VAV2: variants seen among roughly 807,000 people sequenced by gnomAD.
VAV2 encodes the protein guanine nucleotide exchange factor VAV2.
In VAV2, 67 loss-of-function variants were observed where a neutral mutation model predicts 132.5. That is an observed-to-expected ratio of 0.51 (90% CI 0.42 to 0.62). VAV2 has a LOEUF of 0.62. VAV2 is among the 20% of genes least tolerant of loss of function. The probability of loss-of-function intolerance (pLI) is 0.00; values close to 1 mark genes in which losing one functional copy is unlikely to be tolerated. For missense variants in VAV2, 938 were observed against 1,153.6 expected (o/e 0.81, Z 2.71); for synonymous variants, 492 against 443.5 (o/e 1.11, Z -1.37).
intron 4 of VAV2, among the ~76,000 whole-genome samples, chr9:133,812,743 C>T (rs1313299348): frequency 6.6e-6 from 1 of 152,236 alleles, no homozygotes; most frequent in South Asian, 2.1e-4. Context: ...TTGTCATTTG[C>T]CTTCTGAAAC....
Position 133,768,683 on chromosome 9 carries a change from C to A in VAV2, c.2435-87G>T. On this transcript the variant is annotated intron_variant, in intron 28 of 29. Transcript: ENST00000371850. The surrounding 1 kb of genome is among the most constrained non-coding windows in gnomAD (Gnocchi z 5.3). ...GGCCCTTGGGCCAAGCTGGGTCTCT[C>A]CCCTGGTGCCCAGAACCCTGCTCTG... The A allele has an allele frequency of 6.7e-7, 1 of 1,491,780 alleles. No individual in the cohort carries two copies. The allele number at this position is 1,491,780 out of a possible 1,614,324, so 92.4% of individuals were successfully genotyped here.
chr9:133,893,155 C>T (rs1839048657), intron 2 of VAV2, among the ~76,000 whole-genome samples: 1 of 152,188 alleles, frequency 6.6e-6, no homozygotes, highest in Admixed American at 6.5e-5. Flanking sequence ...GTCCCACCTC[C>T]CGCGAAGACT....
At chr9:133,915,187 G>A (rs1284702713) in intron 2 of VAV2, among the ~76,000 whole-genome samples, 1 of 152,114 alleles carries the variant, frequency 6.6e-6, no homozygotes, top group Non-Finnish European at 1.5e-5. Flanking sequence ...ATTGGCTCTG[G>A]GGACATCAGG....
intron 2 of VAV2, among the ~76,000 whole-genome samples, chr9:133,921,028 A>C (rs1481259511): frequency 6.6e-6 from 1 of 152,236 alleles, no homozygotes; most frequent in Non-Finnish European, 1.5e-5. Flanking sequence ...AAAAATGAGA[A>C]AACCAATTAC....
At chr9:133,770,253 G>T in intron 27 of VAV2, 125 bp downstream of exon 27, 1 of 1,453,202 alleles carries the variant, frequency 6.9e-7, no homozygotes, top group South Asian at 1.3e-5. Flanking sequence ...GGAGGGGCGG[G>T]GGCTGTGTTC....
At position 133,857,321 on chromosome 9, in the gene VAV2, G is replaced by A. The variant is rs911698839; in HGVS notation, c.380+4053C>T. On this transcript the variant is annotated intron_variant, in intron 3 of 29. Transcript: ENST00000371850. This position sits in a 1 kb window ranked among gnomAD's most constrained non-coding sequence, Gnocchi z 4.0. Reference sequence around the variant, plus strand: ...CAACCACAATCCTCCCCCTTGCCCCGCTTCCCCAACACGTTTGATCCCCCA... The same window carrying A: ...CAACCACAATCCTCCCCCTTGCCCCACTTCCCCAACACGTTTGATCCCCCA... 3.3e-5 allele frequency among the ~76,000 whole-genome samples: 5 copies of A among 152,036 alleles called. No homozygotes were observed. Among genetic ancestry groups the A allele is most frequent in the Admixed American group, 2.0e-4 (3 of 15,266 alleles).
rs1348655623 is a variant in VAV2 at position 133,776,040 on chromosome 9, G to C, written c.2006C>G (p.Thr669Ser). ...ACGATCCACTCACCAGGGGTATGCA[G>C]TGTAGTCGATCTCCCGGGATGGCGG... ...SRPPSREIDYTAYPWFAGNME... is the reference protein window; with the variant it reads ...SRPPSREIDYSAYPWFAGNME... Residue 669 changes from threonine (T) to serine (S), a missense_variant, in exon 24 of 30, where the codon ACT (threonine) becomes AGT (serine). Thr to Ser is a moderately conservative substitution (Grantham distance 58, BLOSUM62 1). Coordinates refer to ENST00000371850, the MANE Select transcript of VAV2 (RefSeq NM_001134398.2). 1 of 1,613,054 alleles carries C rather than the reference G, an allele frequency of 6.2e-7. No homozygotes were observed. The highest frequency in any genetic ancestry group is 8.5e-7 in the Non-Finnish European group (1 of 1,179,638).
chr9:133,931,618 A>T (rs1222174403), intron 2 of VAV2, among the ~76,000 whole-genome samples: 1 of 152,178 alleles, frequency 6.6e-6, no homozygotes, highest in East Asian at 1.9e-4. Context: ...ATCCCCACAA[A>T]GGGAGAGAGC....
chr9:133,869,108 C>T (rs1007672834), intron 2 of VAV2, among the ~76,000 whole-genome samples: 4 of 152,032 alleles, frequency 2.6e-5, no homozygotes, highest in Admixed American at 2.6e-4. Flanking sequence ...GCGATTCTCC[C>T]GCCTCAGCCG....
chr9:133,765,138 C>CA (rs1275206721), intron 29 of VAV2, among the ~76,000 whole-genome samples: 6 of 151,982 alleles, frequency 3.9e-5, no homozygotes, highest in African/African-American at 1.2e-4. Flanking sequence ...TATAGATAGT[C>CA]AAAAAATCAC....
intron 13 of VAV2, among the ~76,000 whole-genome samples, chr9:133,789,584 G>A (rs1348620714): frequency 6.6e-6 from 1 of 152,204 alleles, no homozygotes; most frequent in Non-Finnish European, 1.5e-5. Flanking sequence ...CCCTGCCAAG[G>A]GGCTCCCTTC....
chr9:133,826,701 C>A lies in VAV2; in HGVS notation c.449+7571G>T, dbSNP rs1395073369. Reference sequence around the variant, plus strand: ...TAAAGCTTGGTCTCATGTCCATGTCCTTCCTTTGGCCTCTCTTCTGCCCTG... The same window carrying A: ...TAAAGCTTGGTCTCATGTCCATGTCATTCCTTTGGCCTCTCTTCTGCCCTG... On this transcript the variant is annotated intron_variant, in intron 4 of 29. Transcript: ENST00000371850. The surrounding 1 kb of genome is among the most constrained non-coding windows in gnomAD (Gnocchi z 4.2). Among the ~76,000 whole-genome samples, 3 of 152,208 alleles carry A rather than the reference C, an allele frequency of 2.0e-5. No homozygotes were observed.
chr9:133,910,040 G>A (rs1432652154), intron 2 of VAV2, among the ~76,000 whole-genome samples: 1 of 152,128 alleles, frequency 6.6e-6, no homozygotes, highest in East Asian at 1.9e-4. Flanking sequence ...ACTAGAATCT[G>A]GCCAATAAAG....
At chr9:133,905,285 A>C (rs1588346487) in intron 2 of VAV2, among the ~76,000 whole-genome samples, 1 of 151,330 alleles carries the variant, frequency 6.6e-6, no homozygotes, top group Admixed American at 6.6e-5. Flanking sequence ...AAATACAAAA[A>C]ATTAGCCGGG....
chr9:133,985,461 T>C (rs1191888969), intron 1 of VAV2, among the ~76,000 whole-genome samples: 2 of 152,180 alleles, frequency 1.3e-5, no homozygotes, highest in African/African-American at 4.8e-5. Flanking sequence ...TTTGCATTTT[T>C]AGTAGAGACG....
chr9:133,989,986 G>C, intron 1 of VAV2, among the ~76,000 whole-genome samples: 1 of 152,258 alleles, frequency 6.6e-6, no homozygotes, highest in African/African-American at 2.4e-5. Context: ...CATTTCCTGG[G>C]CACTGTGCGA....
At chr9:133,841,395 G>A (rs1836718076) in intron 3 of VAV2, among the ~76,000 whole-genome samples, 1 of 151,964 alleles carries the variant, frequency 6.6e-6, no homozygotes, top group African/African-American at 2.4e-5. Flanking sequence ...GGACTCCAGG[G>A]CTCCATCATG....
intron 3 of VAV2, among the ~76,000 whole-genome samples, chr9:133,841,819 T>C (rs936801584): frequency 6.6e-6 from 1 of 152,188 alleles, no homozygotes; most frequent in African/African-American, 2.4e-5. Context: ...AGGGAGATGG[T>C]GCATAAGCCT....
At position 133,778,851 on chromosome 9, in the gene VAV2, G is replaced by A. The variant is rs1262681533; in HGVS notation, c.1801C>T (p.Pro601Ser). 6.2e-7 allele frequency: 1 copy of A among 1,612,780 alleles called. No homozygotes were observed. Among genetic ancestry groups the A allele is most frequent in the Admixed American group, 1.7e-5 (1 of 60,018 alleles). The change falls in exon 22 of 30, where the codon CCA (proline) becomes TCA (serine). Residue 601 changes from proline to serine, a missense_variant. By Grantham distance (74) the Pro-to-Ser change is moderately conservative. Transcript: ENST00000371850. The stretch of plus-strand genomic sequence containing the variant: ...AGCACAGGCTTCCCGGGAGGGGCTG[G>A]GTTGCCATGGTAATTCTGCATGGCC... ...MVAMQNYHGN[P>S]APPGKPVLTF... is the part of the protein sequence containing the mutation.
Sources: gnomAD v4.1 joint callset for allele counts (sites outside exome capture counted in the v4.1 genomes callset) on GRCh38, gnomAD v4.1.1 for gene constraint, Gnocchi (gnomAD v3.1) non-coding constraint, MANE v1.5 for transcripts, NCBI Gene and HGNC (gene_info 2026-07-23, HGNC 2026-07-21) for gene names.